PTPRK: variants seen among roughly 807,000 people sequenced by gnomAD.
PTPRK encodes receptor-type tyrosine-protein phosphatase kappa.
PTPRK carries 75 observed loss-of-function variants against 178.0 expected under a neutral mutation model. That is an observed-to-expected ratio of 0.42 (90% confidence interval 0.35 to 0.51). The LOEUF is 0.51. Among genes scored for constraint, PTPRK ranks in the 20% least tolerant of loss-of-function variants. PTPRK has a pLI of 0.02. For synonymous variants in PTPRK, 637 were observed against 620.6 expected (o/e 1.03, Z -0.39); for missense variants, 1,441 against 1,797.8 (o/e 0.80, Z 3.59).
intron 6 of PTPRK, among the ~76,000 whole-genome samples, chr6:128,213,040 AT>A (rs1808512599): frequency 2.0e-5 from 3 of 151,948 alleles, no homozygotes; most frequent in South Asian, 2.1e-4. Context: ...AAAAGCCATA[AT>A]TTTTCTACTA....
intron 13 of PTPRK, among the ~76,000 whole-genome samples, chr6:128,047,270 G>A (rs1462192034): frequency 6.6e-6 from 1 of 152,182 alleles, no homozygotes; most frequent in Admixed American, 6.5e-5. Context: ...TTTAGAGGGA[G>A]TGAGGAAGGA....
intron 2 of PTPRK, among the ~76,000 whole-genome samples, chr6:128,351,281 A>C (rs1297316388): frequency 6.6e-6 from 1 of 152,226 alleles, no homozygotes; most frequent in African/African-American, 2.4e-5. Context: ...CAGTATTCTT[A>C]TTTTATAGAG....
At chr6:128,149,749 A>C (rs1797001833) in intron 7 of PTPRK, among the ~76,000 whole-genome samples, 1 of 152,160 alleles carries the variant, frequency 6.6e-6, no homozygotes, top group Admixed American at 6.6e-5. Context: ...TTCTATTTTG[A>C]TATATGGAAG....
intron 3 of PTPRK, among the ~76,000 whole-genome samples, chr6:128,280,965 A>G (rs1467230415): frequency 6.6e-6 from 1 of 152,202 alleles, no homozygotes; most frequent in East Asian, 1.9e-4. Context: ...TAATCGAATC[A>G]AACTTTTTAG....
At chr6:128,286,955 T>C (rs1204220285) in intron 3 of PTPRK, among the ~76,000 whole-genome samples, 5 of 152,156 alleles carry the variant, frequency 3.3e-5, no homozygotes, top group African/African-American at 1.2e-4. Flanking sequence ...TGGGTGAATT[T>C]TGAGAATTTT....
rs577950493 is a variant in PTPRK, at chr6:128,273,376, G to A, written c.496-30774C>T. Among the ~76,000 whole-genome samples the A allele has an allele frequency of 7.2e-5, 11 of 151,978 alleles. No individual in the cohort carries two copies. In the South Asian group the frequency reaches 2.1e-3, roughly 29 times the overall value. On this transcript the variant is annotated intron_variant, in intron 3 of 29. Coordinates refer to ENST00000368226, the MANE Select transcript of PTPRK (RefSeq NM_002844.4). ...AGTATAATAAAAAAAGAAAAAAAAAGATGGACTTTATTTTGTATAACTATC... is the reference window on the plus strand; with the variant it reads ...AGTATAATAAAAAAAGAAAAAAAAAAATGGACTTTATTTTGTATAACTATC...
intron 7 of PTPRK, among the ~76,000 whole-genome samples, chr6:128,130,118 C>T (rs1431114223): frequency 6.6e-6 from 1 of 152,112 alleles, no homozygotes; most frequent in African/African-American, 2.4e-5. Context: ...ATACTGCAGA[C>T]ATTAAATAAT....
In PTPRK at chr6:128,064,611, C is replaced by G. The variant is rs140564276; in HGVS notation, c.2194+147G>C. 4.7e-4 allele frequency: 435 copies of G among 921,844 alleles called. No individual in the cohort carries two copies. In the African/African-American group the frequency reaches 6.9e-3, roughly 15 times the overall value. The allele number at this position is 921,844 out of a possible 1,614,324, so 57.1% of individuals were successfully genotyped here. On this transcript the variant is annotated intron_variant, in intron 13 of 29. Transcript: ENST00000368226. ...GTACTAGAGGATGGGAAGTAGCACC[C>G]CATTAGTTGTTAAAGACACCCACAT... is the stretch of plus-strand genomic sequence containing the variant.
Position 128,082,653 on chromosome 6 carries a change from A to G in PTPRK, c.1576-15T>C. On this transcript the variant is annotated splice_polypyrimidine_tract_variant and intron_variant, in intron 9 of 29. Coordinates refer to ENST00000368226, the MANE Select transcript of PTPRK (RefSeq NM_002844.4). ...CTATAGCTGATCTGTTTTAAGAAAT[A>G]CATTTATTACATATCTAGTATCCAT... 3.3e-6 allele frequency: 5 copies of G among 1,538,088 alleles called. No homozygotes were observed. The highest frequency in any genetic ancestry group is 4.5e-6 in the Non-Finnish European group (5 of 1,120,084).
chr6:128,409,210 A>AT (rs1223943046), intron 1 of PTPRK: 2 of 377,040 alleles, frequency 5.3e-6, no homozygotes, highest in African/African-American at 2.1e-5. Flanking sequence ...CACCAATAGC[A>AT]TTTTAAGTCA....
chr6:128,480,697 T>C (rs1851967136), intron 1 of PTPRK, among the ~76,000 whole-genome samples: 1 of 152,142 alleles, frequency 6.6e-6, no homozygotes, highest in East Asian at 1.9e-4. Context: ...AAAAGGTGAA[T>C]TAACTTCCAC....
intron 3 of PTPRK, among the ~76,000 whole-genome samples, chr6:128,312,954 C>A (rs541146753): frequency 1.3e-5 from 2 of 152,182 alleles, no homozygotes; most frequent in East Asian, 3.9e-4. Context: ...GAAACATTAA[C>A]AAATAATATT....
At chr6:128,285,791 C>T (rs147205642) in intron 3 of PTPRK, among the ~76,000 whole-genome samples, 241 of 151,548 alleles carry the variant, frequency 1.6e-3, no homozygotes, top group Non-Finnish European at 2.8e-3. Flanking sequence ...CAGAGTAATA[C>T]GCTGTCTCAA....
chr6:128,000,170 G>A (rs369407473), intron 15 of PTPRK: 2 of 958,252 alleles, frequency 2.1e-6, no homozygotes, highest in Non-Finnish European at 2.5e-6. Context: ...ACTCTTAGGG[G>A]AACTTTTTTT....
At chr6:128,325,141 C>A (rs1829370983) in intron 2 of PTPRK, among the ~76,000 whole-genome samples, 1 of 152,084 alleles carries the variant, frequency 6.6e-6, no homozygotes, top group African/African-American at 2.4e-5. Flanking sequence ...TACAAATATT[C>A]CTTACAGTCT....
chr6:128,204,385 A>G (rs993789532), intron 6 of PTPRK, among the ~76,000 whole-genome samples: 19 of 152,216 alleles, frequency 1.2e-4, no homozygotes, highest in African/African-American at 4.3e-4. Flanking sequence ...TGATGAAGAC[A>G]CCAAAAGAAA....
chr6:128,324,491 G>A (rs11962332), intron 2 of PTPRK, among the ~76,000 whole-genome samples: 2,192 of 152,106 alleles, frequency 0.014, 54 homozygotes, highest in African/African-American at 0.049. Context: ...ATATTCATTT[G>A]TAGGCATTAT....
chr6:128,357,301 C>T (rs578096471), intron 2 of PTPRK, among the ~76,000 whole-genome samples: 6 of 152,134 alleles, frequency 3.9e-5, no homozygotes, highest in Non-Finnish European at 8.8e-5. Context: ...GTTTAATCAG[C>T]TATGGATCAG....
chr6:128,083,095 T>C lies in PTPRK; in HGVS notation c.1576-457A>G, dbSNP rs114175118. Among the ~76,000 whole-genome samples, 320 of 152,240 alleles carry C rather than the reference T, an allele frequency of 2.1e-3. 1 individual carries two copies. Among genetic ancestry groups the C allele is most frequent in the African/African-American group, 7.2e-3 (298 of 41,556 alleles). On this transcript the variant is annotated intron_variant, in intron 9 of 29. Transcript: ENST00000368226. ...AAATATAACATTGTACTAGTGATTC[T>C]CATTTCCATAATTCACTCTGTAGCC...
Sources: allele counts gnomAD v4.1 joint callset (sites outside exome capture counted in the v4.1 genomes callset), GRCh38; gene constraint gnomAD v4.1.1; transcripts MANE v1.5; gene names NCBI Gene and HGNC (gene_info 2026-07-23, HGNC 2026-07-21).